The following DAB1 variants were observed in gnomAD, a reference collection of about 807,000 sequenced individuals.
DAB1 encodes disabled homolog 1.
A neutral mutation model predicts 64.6 loss-of-function variants in DAB1; 15 were observed. That is an observed-to-expected ratio of 0.23 (90% confidence interval 0.16 to 0.36). The LOEUF is 0.36. Ranked by LOEUF, DAB1 falls within the 10% of genes least tolerant of loss-of-function variation. The probability of loss-of-function intolerance (pLI) is 1.00; values close to 1 mark genes in which losing one functional copy is unlikely to be tolerated. For synonymous variants in DAB1, 235 were observed against 251.9 expected, an observed-to-expected ratio of 0.93 and a Z score of 0.64; for missense variants, 596 against 706.7, an observed-to-expected ratio of 0.84 and a Z score of 1.78.
At chr1:58,229,472 G>C (rs1346802014) in intron 4 of DAB1, among the ~76,000 whole-genome samples, 1 of 152,132 alleles carries the variant, frequency 6.6e-6, no homozygotes, top group Admixed American at 6.5e-5. Flanking sequence ...GCACTGGAGA[G>C]GAACCATACC....
intron 6 of DAB1, among the ~76,000 whole-genome samples, chr1:57,756,873 C>T (rs1648836012): frequency 6.6e-6 from 1 of 151,930 alleles, no homozygotes; most frequent in Non-Finnish European, 1.5e-5. Context: ...TATGTAAGGG[C>T]CAAAATTAAT....
chr1:57,021,494 G>A (rs978929852), intron 11 of DAB1, among the ~76,000 whole-genome samples: 1 of 152,192 alleles, frequency 6.6e-6, no homozygotes, highest in African/African-American at 2.4e-5. Context: ...CATGAGATCT[G>A]ATGGTTTTAT....
At chr1:58,247,677 G>A (rs922074433) in intron 4 of DAB1, among the ~76,000 whole-genome samples, 1 of 152,124 alleles carries the variant, frequency 6.6e-6, no homozygotes, top group African/African-American at 2.4e-5. Flanking sequence ...CCGGGGGTAA[G>A]ACTGGTCTTG....
chr1:57,227,614 T>C (rs1667374037), intron 2 of DAB1, among the ~76,000 whole-genome samples: 1 of 151,440 alleles, frequency 6.6e-6, no homozygotes, highest in Non-Finnish European at 1.5e-5. Context: ...TGGAGGGCAG[T>C]GGCATGATCT....
At position 58,400,738 on chromosome 1, in the gene DAB1, G is replaced by A. The variant is rs140574264; in HGVS notation, n.258-57335C>T. On this transcript the variant is annotated intron_variant and non_coding_transcript_variant, in intron 3 of 20. Transcript: ENST00000485760. Reference sequence around the variant, plus strand: ...AAATGATAGTGTGGGCATAACAAAGGCTATAAAGCAAATTTTATTATAATT... The same window carrying A: ...AAATGATAGTGTGGGCATAACAAAGACTATAAAGCAAATTTTATTATAATT... 2.0e-5 allele frequency among the ~76,000 whole-genome samples: 3 copies of A among 152,152 alleles called. No individual in the cohort carries two copies. The East Asian group carries it at 5.8e-4, about 29-fold the overall frequency.
At chr1:57,452,317 A>T (rs1252038727) in intron 7 of DAB1, among the ~76,000 whole-genome samples, 2 of 151,988 alleles carry the variant, frequency 1.3e-5, no homozygotes, top group Non-Finnish European at 2.9e-5. Flanking sequence ...GACTCATAGT[A>T]ACAAACCTCA....
chr1:57,049,704 C>T (rs563064882), intron 9 of DAB1, among the ~76,000 whole-genome samples: 1 of 152,250 alleles, frequency 6.6e-6, no homozygotes, highest in South Asian at 2.1e-4. Context: ...TCACATGCCT[C>T]CCCTTAACCT....
rs972470604 is a variant in DAB1, at chr1:57,375,821, C to T, written c.-137+48109G>A. On this transcript the variant is annotated intron_variant, in intron 1 of 14. Transcript: ENST00000371236. ...CCTTAGAATCTAATACAGTGCCTGGCAAACAGTAGGTATTTAATAAAGAGC... is the reference window on the plus strand; with the variant it reads ...CCTTAGAATCTAATACAGTGCCTGGTAAACAGTAGGTATTTAATAAAGAGC... 3.9e-5 allele frequency among the ~76,000 whole-genome samples: 6 copies of T among 152,292 alleles called. No homozygotes were observed. In the East Asian group the frequency reaches 7.7e-4, roughly 20 times the overall value.
At chr1:58,065,613 C>T (rs1648808837) in intron 5 of DAB1, among the ~76,000 whole-genome samples, 1 of 152,156 alleles carries the variant, frequency 6.6e-6, no homozygotes, top group African/African-American at 2.4e-5. Flanking sequence ...ATGGTCCCCT[C>T]CCAGCGGAGA....
At chr1:57,848,774 C>A (rs1023376599) in intron 1 of DAB1, among the ~76,000 whole-genome samples, 1 of 152,166 alleles carries the variant, frequency 6.6e-6, no homozygotes, top group Non-Finnish European at 1.5e-5. Flanking sequence ...GGAGCTGAAG[C>A]TGCATGTGGT....
chr1:58,088,915 C>T (rs1326472766), intron 5 of DAB1, among the ~76,000 whole-genome samples: 2 of 152,134 alleles, frequency 1.3e-5, no homozygotes, highest in African/African-American at 2.4e-5. Context: ...GAAGGACTTC[C>T]CTGTGAAGGA....
At chr1:57,489,882 C>A (rs899663644) in intron 7 of DAB1, among the ~76,000 whole-genome samples, 1 of 152,054 alleles carries the variant, frequency 6.6e-6, no homozygotes, top group African/African-American at 2.4e-5. Context: ...TGTTTATGTC[C>A]CCTCTCTGTT....
intron 5 of DAB1, among the ~76,000 whole-genome samples, chr1:58,004,861 C>A (rs1055812012): frequency 7.9e-5 from 12 of 152,010 alleles, no homozygotes; most frequent in Non-Finnish European, 1.3e-4. Context: ...GACCTAAAGC[C>A]AGCTTCCTGA....
rs77689772 is a variant in DAB1 at position 58,138,994 on chromosome 1, C to A, written n.387+11517G>T. Among the ~76,000 whole-genome samples, 333 of 152,180 alleles carry A rather than the reference C, an allele frequency of 2.2e-3. 9 individuals carry two copies. The East Asian group carries it at 0.046, about 21-fold the overall frequency. ...TACTTGTGCTTGGGCTGGTCCTTCT[C>A]CAGAGAAATATATTTCCCTTAGCTT... On this transcript the variant is annotated intron_variant and non_coding_transcript_variant, in intron 5 of 20. Coordinates refer to the DAB1 transcript ENST00000485760.
chr1:58,247,566 C>T (rs1481299659), intron 4 of DAB1, among the ~76,000 whole-genome samples: 1 of 152,180 alleles, frequency 6.6e-6, no homozygotes, highest in East Asian at 1.9e-4. Context: ...ATGTGTATTT[C>T]ACAAATAATT....
In DAB1 at chr1:57,346,560, T is replaced by C. The variant is rs542050929; in HGVS notation, c.-136-55394A>G. Among the ~76,000 whole-genome samples, 14 of 152,344 alleles carry C rather than the reference T, an allele frequency of 9.2e-5. No homozygotes were observed. In the East Asian group the frequency reaches 2.1e-3, roughly 23 times the overall value. ...AGATGCAAATTTATAAATTTATTAATAAATTTCCTTTACATCCTTTATTTA... is the reference window on the plus strand; with the variant it reads ...AGATGCAAATTTATAAATTTATTAACAAATTTCCTTTACATCCTTTATTTA... On this transcript the variant is annotated intron_variant, in intron 1 of 14. Coordinates refer to ENST00000371236, the MANE Select transcript of DAB1 (RefSeq NM_001365792.1).
At chr1:57,023,667 C>A in intron 10 of DAB1, 28 bp from the exon 11 acceptor site, 1 of 1,446,916 alleles carries the variant, frequency 6.9e-7, no homozygotes, top group Non-Finnish European at 9.7e-7. Flanking sequence ...GCAGAGGACA[C>A]ATGAGACCTG....
intron 4 of DAB1, among the ~76,000 whole-genome samples, chr1:57,080,754 A>ATG (rs1553138581): frequency 8.4e-6 from 1 of 119,360 alleles, no homozygotes; most frequent in Non-Finnish European, 1.9e-5. Context: ...ACACACACAC[A>ATG]CGCACACACA....
At chr1:57,067,992 C>T (rs1429525635) in intron 8 of DAB1, among the ~76,000 whole-genome samples, 2 of 152,180 alleles carry the variant, frequency 1.3e-5, no homozygotes, top group Non-Finnish European at 2.9e-5. Context: ...GCCTGGACTA[C>T]AACCCAGCTT....
Sources: allele counts gnomAD v4.1 joint callset (sites outside exome capture counted in the v4.1 genomes callset), GRCh38; gene constraint gnomAD v4.1.1; transcripts MANE v1.5; gene names NCBI Gene and HGNC (gene_info 2026-07-23, HGNC 2026-07-21).